The following PRKG1 variants were observed in gnomAD, a reference collection of about 807,000 sequenced individuals.
PRKG1 encodes the protein cGMP-dependent protein kinase 1.
Under a neutral mutation model 88.1 loss-of-function variants are expected in PRKG1, and 35 were observed. That is an observed-to-expected ratio of 0.40 (90% confidence interval 0.30 to 0.53). The LOEUF (loss-of-function observed/expected upper bound fraction) is 0.53, where lower values mean the gene tolerates loss of function less well. Ranked by LOEUF, PRKG1 falls within the 20% of genes least tolerant of loss-of-function variation. PRKG1 has a pLI of 0.59. For synonymous variants in PRKG1, 303 were observed against 292.5 expected, an observed-to-expected ratio of 1.04 and a Z score of -0.37; for missense variants, 540 against 839.8, an observed-to-expected ratio of 0.64 and a Z score of 4.41.
intron 9 of PRKG1, among the ~76,000 whole-genome samples, chr10:52,204,739 T>A (rs932288640): frequency 1.3e-5 from 2 of 152,154 alleles, no homozygotes; most frequent in African/African-American, 2.4e-5. Flanking sequence ...ATGCACAAAT[T>A]GTGCACGCAA....
At chr10:51,257,732 A>T (rs1839601909) in intron 2 of PRKG1, among the ~76,000 whole-genome samples, 1 of 152,166 alleles carries the variant, frequency 6.6e-6, no homozygotes, top group African/African-American at 2.4e-5. Flanking sequence ...ACCAGGATTC[A>T]GTCTGCCAGG....
intron 3 of PRKG1, among the ~76,000 whole-genome samples, chr10:51,513,096 C>T (rs1260372903): frequency 6.6e-6 from 1 of 151,778 alleles, no homozygotes; most frequent in African/African-American, 2.4e-5. Context: ...TGGATATTAG[C>T]CCCCATCTCA....
At chr10:51,211,353 A>C (rs532111106) in intron 2 of PRKG1, among the ~76,000 whole-genome samples, 1 of 152,346 alleles carries the variant, frequency 6.6e-6, no homozygotes, top group East Asian at 1.9e-4. Context: ...ACCTACAGCC[A>C]ATATCATACT....
chr10:52,191,199 G>T (rs1222723737), intron 9 of PRKG1, among the ~76,000 whole-genome samples: 1 of 152,168 alleles, frequency 6.6e-6, no homozygotes, highest in Non-Finnish European at 1.5e-5. Flanking sequence ...TGTCGCCAAG[G>T]CTGGAGTGCA....
At chr10:51,008,858 G>T (rs191970113) in intron 1 of PRKG1, among the ~76,000 whole-genome samples, 30 of 152,178 alleles carry the variant, frequency 2.0e-4, no homozygotes, top group Admixed American at 9.2e-4. Context: ...ACAAGGTTTT[G>T]TGGAGGCTTT....
intron 3 of PRKG1, among the ~76,000 whole-genome samples, chr10:51,504,901 A>G (rs908929724): frequency 2.0e-5 from 3 of 152,162 alleles, no homozygotes; most frequent in Admixed American, 6.5e-5. Context: ...TAGATATACA[A>G]TCATGTCATC....
At chr10:51,059,330 A>ATG (rs559088291) in intron 1 of PRKG1, among the ~76,000 whole-genome samples, 1 of 152,060 alleles carries the variant, frequency 6.6e-6, no homozygotes, top group Non-Finnish European at 1.5e-5. Context: ...TTTTGTGTGC[A>ATG]TGTGTGTGTG....
chr10:51,832,399 T>C (rs1196179001), intron 4 of PRKG1, among the ~76,000 whole-genome samples: 1 of 152,206 alleles, frequency 6.6e-6, no homozygotes, highest in Admixed American at 6.5e-5. Flanking sequence ...TGGCAAAAAT[T>C]ATCTGTAAAA....
At chr10:51,360,514 CT>C (rs1279543850) in intron 2 of PRKG1, among the ~76,000 whole-genome samples, 1 of 151,836 alleles carries the variant, frequency 6.6e-6, no homozygotes, top group Admixed American at 6.6e-5. Flanking sequence ...TTTAAATGTT[CT>C]GATTTTCAGT....
chr10:51,815,641 A>G (rs752439434), intron 4 of PRKG1, among the ~76,000 whole-genome samples: 2 of 152,232 alleles, frequency 1.3e-5, no homozygotes, highest in South Asian at 2.1e-4. Context: ...GTTTAAAAAA[A>G]GCATGAGAAA....
chr10:51,105,779 T>A (rs551312560), intron 1 of PRKG1, among the ~76,000 whole-genome samples: 3 of 152,308 alleles, frequency 2.0e-5, no homozygotes, highest in Admixed American at 2.0e-4. Flanking sequence ...TTATTGAAAA[T>A]GTTACTACTT....
intron 2 of PRKG1, among the ~76,000 whole-genome samples, chr10:51,413,412 C>A (rs894015648): frequency 3.3e-5 from 5 of 151,956 alleles, no homozygotes; most frequent in Non-Finnish European, 4.4e-5. Context: ...GTCACCCAGG[C>A]TGGAGTGCAA....
intron 9 of PRKG1, among the ~76,000 whole-genome samples, chr10:52,207,703 G>A (rs1255055983): frequency 1.3e-5 from 2 of 152,042 alleles, no homozygotes; most frequent in Admixed American, 1.3e-4. Context: ...AGATTCCAGG[G>A]GTCTATGGCA....
intron 2 of PRKG1, among the ~76,000 whole-genome samples, chr10:51,216,890 C>T (rs1455121968): frequency 6.6e-6 from 1 of 152,068 alleles, no homozygotes; most frequent in Non-Finnish European, 1.5e-5. Context: ...TAAATTCCAC[C>T]TTGTTCCCCC....
At chr10:51,677,205 G>GT (rs1258115892) in intron 3 of PRKG1, among the ~76,000 whole-genome samples, 46 of 152,160 alleles carry the variant, frequency 3.0e-4, no homozygotes, top group African/African-American at 1.0e-3. Context: ...GCATGTGATT[G>GT]TATTTCTTTC....
chr10:52,089,274 C>A (rs2133319462), intron 7 of PRKG1, among the ~76,000 whole-genome samples: 1 of 152,256 alleles, frequency 6.6e-6, no homozygotes, highest in South Asian at 2.1e-4. Context: ...TAACAAAAAT[C>A]AAACCATGGG....
chr10:51,463,382 A>C (rs866333762), intron 2 of PRKG1, among the ~76,000 whole-genome samples: 4 of 152,128 alleles, frequency 2.6e-5, no homozygotes, highest in African/African-American at 7.2e-5. Context: ...CATTTTCCCT[A>C]TTTGTTTTAC....
intron 4 of PRKG1, among the ~76,000 whole-genome samples, chr10:51,840,783 T>C (rs1840255702): frequency 6.6e-6 from 1 of 152,090 alleles, no homozygotes; most frequent in African/African-American, 2.4e-5. Flanking sequence ...AGCCCTCAGG[T>C]GACCTGCCCG....
At chr10:51,641,268 A>G (rs983214989) in intron 3 of PRKG1, among the ~76,000 whole-genome samples, 3 of 152,134 alleles carry the variant, frequency 2.0e-5, no homozygotes, top group Non-Finnish European at 4.4e-5. Context: ...AGTGGAGAAC[A>G]TTACCACCAC....
Sources: gnomAD v4.1 joint callset for allele counts (sites outside exome capture counted in the v4.1 genomes callset) on GRCh38, gnomAD v4.1.1 for gene constraint, MANE v1.5 for transcripts, NCBI Gene and HGNC (gene_info 2026-07-23, HGNC 2026-07-21) for gene names.